The following DPH1 variants were observed in gnomAD, a reference collection of about 807,000 sequenced individuals.
DPH1 encodes the protein diphthamide biosynthesis 1.
A neutral mutation model predicts 55.3 loss-of-function variants in DPH1; 59 were observed. That is an observed-to-expected ratio of 1.07 (90% CI 0.87 to 1.33). The LOEUF is 1.33. Among genes scored for constraint, DPH1 ranks in the 40% most tolerant of loss-of-function variants. The pLI is 0.00. For synonymous variants in DPH1, 238 were observed against 235.5 expected (o/e 1.01, Z -0.10); for missense variants, 628 against 584.8 (o/e 1.07, Z -0.76).
chr17:2,033,420 C>G, intron 1 of DPH1, 85 bp from the exon 2 acceptor site: 2 of 1,599,498 alleles, frequency 1.3e-6, no homozygotes, highest in Non-Finnish European at 1.7e-6. Flanking sequence ...GGGGCACCGG[C>G]AGGCCCTGAA....
chr17:2,038,171 A>G (rs2067455024), intron 6 of DPH1, among the ~76,000 whole-genome samples: 1 of 151,412 alleles, frequency 6.6e-6, no homozygotes, highest in Non-Finnish European at 1.5e-5. Flanking sequence ...AAAAAAAAAA[A>G]AAGAATTAGC....
At position 2,041,611 on chromosome 17, in the gene DPH1, C is replaced by A; in HGVS notation, c.1217C>A (p.Ala406Glu). Residue 406 changes from alanine to glutamate, a missense_variant, in exon 11 of 13, where the codon GCG (alanine) becomes GAG (glutamate). Transcript: ENST00000263083. The part of the protein sequence containing the change: ...DRRPHAPGRP[A>E]RGKVQEGSAR... ...CGTCCCCACGCCCCGGGCCGGCCCG[C>A]GCGGGGGAAGGTAGGCGGGGGCTTC... 6.2e-7 allele frequency: 1 copy of A among 1,604,668 alleles called. No individual in the cohort carries two copies. Among genetic ancestry groups the A allele is most frequent in the Non-Finnish European group, 8.5e-7 (1 of 1,176,340 alleles).
Position 2,042,952 on chromosome 17 carries a change from A to G in DPH1, c.*366A>G. The G allele has an allele frequency of 3.1e-6, 5 of 1,614,178 alleles. No homozygotes were observed. The highest frequency in any genetic ancestry group is 1.1e-5 in the South Asian group (1 of 91,086). Reference sequence around the variant, plus strand: ...GCCTTCGCTCCATGTTTTTGGGGACACTGACAAAGTCATCCCCTCTCAGGA... The same window carrying G: ...GCCTTCGCTCCATGTTTTTGGGGACGCTGACAAAGTCATCCCCTCTCAGGA... On this transcript the variant is annotated 3_prime_UTR_variant, in exon 13 of 13. Coordinates refer to ENST00000263083, the MANE Select transcript of DPH1 (RefSeq NM_001383.6).
rs892646552 is a variant in DPH1 at position 2,041,759 on chromosome 17, C to A, written c.1228-9C>A. 6.2e-7 allele frequency: 1 copy of A among 1,600,102 alleles called. No homozygotes were observed. The highest frequency in any genetic ancestry group is 1.7e-5 in the Admixed American group (1 of 58,070). On this transcript the variant is annotated splice_polypyrimidine_tract_variant and intron_variant, in intron 11 of 12. Coordinates refer to ENST00000263083, the MANE Select transcript of DPH1 (RefSeq NM_001383.6). ...GGAGCGAGACCCTAACCAAAGTCTG[C>A]GACCTCAGGTGCAGGAGGGGTCCGC...
At position 2,030,183 on chromosome 17, in the gene DPH1, T is replaced by A. The variant is rs1259405214; in HGVS notation, c.14T>A (p.Val5Asp). The A allele has an allele frequency of 1.2e-6, 2 of 1,602,986 alleles. No homozygotes were observed. The highest frequency in any genetic ancestry group is 1.7e-5 in the Admixed American group (1 of 58,578). The change falls in exon 1 of 13, where the codon GTC (valine) becomes GAC (aspartate). Residue 5 changes from valine (V) to aspartate (D), a missense_variant. By Grantham distance (152) the Val-to-Asp change is radical. Coordinates refer to ENST00000263083, the MANE Select transcript of DPH1 (RefSeq NM_001383.6). MAAL[V>D]VSGAAEQGGR... is the part of the protein sequence containing the mutation. ...CGCAGGCAGGTGATGGCGGCGCTGG[T>A]CGTATCCGGGGCAGCGGAGCAGGGC... is the stretch of plus-strand genomic sequence containing the variant.
At chr17:2,035,074 G>C in intron 3 of DPH1, 1 of 151,908 alleles carries the variant, frequency 6.6e-6, no homozygotes, top group Non-Finnish European at 1.5e-5. Flanking sequence ...GTGGAGGAGG[G>C]GGTGACTAGC....
chr17:2,038,198 G>A (rs560968675), intron 6 of DPH1, among the ~76,000 whole-genome samples: 13 of 149,486 alleles, frequency 8.7e-5, no homozygotes, highest in African/African-American at 2.9e-4. Flanking sequence ...CAGTGTCCAT[G>A]CCTGTAGTCC....
intron 7 of DPH1, 74 bp from the exon 8 acceptor site, chr17:2,040,144 T>C: frequency 6.3e-7 from 1 of 1,577,894 alleles, no homozygotes; most frequent in Non-Finnish European, 8.6e-7. Context: ...CCCACGGGGC[T>C]GAGTCAGGAG....
intron 3 of DPH1, among the ~76,000 whole-genome samples, chr17:2,034,158 A>G (rs1463465210): frequency 1.3e-5 from 2 of 151,964 alleles, no homozygotes; most frequent in African/African-American, 4.8e-5. Context: ...AGAATTCTCC[A>G]AGCTGCCCCT....
Position 2,033,816 on chromosome 17 carries a change from C to T in DPH1, c.252C>T (p.Ala84=). Residue 84 remains alanine, a synonymous_variant, in exon 3 of 13, where the codon GCC becomes GCT. Coordinates refer to ENST00000263083, the MANE Select transcript of DPH1 (RefSeq NM_001383.6). ...TGCCGGAAGGCCTCCTCCTCTTTGCCTGTACCATTGTGGATATCTTGGAAA... is the reference window on the plus strand; with the variant it reads ...TGCCGGAAGGCCTCCTCCTCTTTGCTTGTACCATTGTGGATATCTTGGAAA... ...LQMPEGLLLF[A]CTIVDILERF... 1 of 1,614,206 alleles carries T rather than the reference C, an allele frequency of 6.2e-7. No individual in the cohort carries two copies. The highest frequency in any genetic ancestry group is 2.2e-5 in the East Asian group (1 of 44,886).
chr17:2,042,855 C>G lies in DPH1; in HGVS notation c.*269C>G. The G allele has an allele frequency of 1.2e-6, 2 of 1,614,168 alleles. No homozygotes were observed. Among genetic ancestry groups the G allele is most frequent in the Non-Finnish European group, 1.7e-6 (2 of 1,180,022 alleles). On this transcript the variant is annotated 3_prime_UTR_variant, in exon 13 of 13. Coordinates refer to ENST00000263083, the MANE Select transcript of DPH1 (RefSeq NM_001383.6). The stretch of plus-strand genomic sequence containing the variant: ...CCCGCTTCCCCTTGCCACGGTTTAT[C>G]CTCTTGGTGTCTGGTTTCTGTCCCC...
intron 1 of DPH1, among the ~76,000 whole-genome samples, chr17:2,030,642 G>C (rs1053037925): frequency 2.0e-5 from 3 of 152,210 alleles, no homozygotes; most frequent in African/African-American, 7.2e-5. Flanking sequence ...CCAGGCCTGC[G>C]CTGGGTGCAG....
In DPH1 at chr17:2,033,796, G is replaced by A; in HGVS notation, c.232G>A (p.Glu78Lys). The A allele has an allele frequency of 1.2e-6, 2 of 1,614,202 alleles. No homozygotes were observed. The highest frequency in any genetic ancestry group is 1.7e-6 in the Non-Finnish European group (2 of 1,180,048). ...QAKKVALQMP[E>K]GLLLFACTIV... Reference sequence around the variant, plus strand: ...TCTTGCAGTGGCCTTGCAAATGCCGGAAGGCCTCCTCCTCTTTGCCTGTAC... The same window carrying A: ...TCTTGCAGTGGCCTTGCAAATGCCGAAAGGCCTCCTCCTCTTTGCCTGTAC... The change falls in exon 3 of 13, where the codon GAA (glutamate) becomes AAA (lysine). Residue 78 changes from glutamate to lysine, a missense_variant. Physicochemically the swap from Glu to Lys is moderately conservative, Grantham distance 56. Coordinates refer to ENST00000263083, the MANE Select transcript of DPH1 (RefSeq NM_001383.6).
In DPH1 at chr17:2,040,379, G is replaced by A; in HGVS notation, c.906+5G>A. The A allele has an allele frequency of 1.2e-6, 2 of 1,613,938 alleles. No homozygotes were observed. The highest frequency in any genetic ancestry group is 8.5e-7 in the Non-Finnish European group (1 of 1,180,022). On this transcript the variant is annotated splice_donor_5th_base_variant and intron_variant, in intron 8 of 12. Coordinates refer to ENST00000263083, the MANE Select transcript of DPH1 (RefSeq NM_001383.6). The stretch of plus-strand genomic sequence containing the variant: ...GGCAGTCCTAAGATCCTGGAGGTCA[G>A]TGGGCTCAGGACAGCCTCTGGAGGA...
chr17:2,030,464 A>G (rs1262596227), intron 1 of DPH1, among the ~76,000 whole-genome samples: 1 of 152,164 alleles, frequency 6.6e-6, no homozygotes, highest in East Asian at 1.9e-4. Flanking sequence ...CTCCAATCGG[A>G]AACTACAGCC....
At position 2,036,051 on chromosome 17, in the gene DPH1, G is replaced by A; in HGVS notation, c.360G>A (p.Leu120=). The A allele has an allele frequency of 6.2e-7, 1 of 1,614,012 alleles. No individual in the cohort carries two copies. Among genetic ancestry groups the A allele is most frequent in the African/African-American group, 1.3e-5 (1 of 75,034 alleles). The change falls in exon 4 of 13, where the codon CTG becomes CTA. Residue 120 remains leucine (L), a synonymous_variant. Transcript: ENST00000263083. The surrounding 1 kb of genome is among the most constrained non-coding windows in gnomAD (Gnocchi z 4.8). The stretch of plus-strand genomic sequence containing the variant: ...TGGATGACTTCACAGCGAGGGCCCT[G>A]GGAGCTGACTTCTTGGTGCACTACG... ...CCVDDFTARA[L]GADFLVHYGH...
chr17:2,030,685 G>C (rs1271635094), intron 1 of DPH1, among the ~76,000 whole-genome samples: 1 of 152,218 alleles, frequency 6.6e-6, no homozygotes, highest in Non-Finnish European at 1.5e-5. Flanking sequence ...TCTACTGGGG[G>C]AATGTTAATG....
chr17:2,042,159 G>T, intron 12 of DPH1: 1 of 1,495,214 alleles, frequency 6.7e-7, no homozygotes, highest in Non-Finnish European at 8.8e-7. Context: ...GGGTCGCGCC[G>T]AGCTCGTGTG....
chr17:2,039,084 C>CA (rs996594473), intron 6 of DPH1: 3 of 151,174 alleles, frequency 2.0e-5, no homozygotes, highest in Admixed American at 6.6e-5. Context: ...TTTTTTGAGA[C>CA]AGAGTCTTGT....
Sources: gnomAD v4.1 joint callset for allele counts (sites outside exome capture counted in the v4.1 genomes callset) on GRCh38, gnomAD v4.1.1 for gene constraint, Gnocchi (gnomAD v3.1) non-coding constraint, MANE v1.5 for transcripts, NCBI Gene and HGNC (gene_info 2026-07-23, HGNC 2026-07-21) for gene names.